Variants in ZMYM2 observed in about 807,000 individuals in gnomAD.
ZMYM2 encodes the protein zinc finger MYM-type protein 2.
ZMYM2 carries 56 observed loss-of-function variants against 162.8 expected under a neutral mutation model. The observed-to-expected ratio is 0.34, with a 90% confidence interval of 0.28 to 0.43. The LOEUF (loss-of-function observed/expected upper bound fraction) is 0.43. Ranked by LOEUF, ZMYM2 falls within the 20% of genes least tolerant of loss-of-function variation. The pLI is 1.00. For synonymous variants in ZMYM2, 510 were observed against 541.6 expected (o/e 0.94, Z 0.81); for missense variants, 1,275 against 1,621.8 (o/e 0.79, Z 3.67).
At chr13:20,006,253 T>A (rs1003062008) in intron 5 of ZMYM2, 121 bp from the exon 6 acceptor site, 28 of 1,027,540 alleles carry the variant, frequency 2.7e-5, no homozygotes, top group Non-Finnish European at 3.1e-5. Context: ...AAAAAATTTT[T>A]TTTTTCCTTT....
rs1199160134 is a variant in ZMYM2 at position 20,062,916 on chromosome 13, C to T, written c.2982C>T (p.Ser994=). The T allele has an allele frequency of 5.0e-6, 8 of 1,603,038 alleles. No homozygotes were observed. The highest frequency in any genetic ancestry group is 6.8e-6 in the Non-Finnish European group (8 of 1,173,828). ...LKNSDPETQS[S]MPDVPYEPDL... ...ACTCTGACCCAGAGACACAGTCCAG[C>T]ATGCCTGATGTACCATATGAACCAG... Residue 994 remains serine, a synonymous_variant, in exon 18 of 25, where the codon AGC becomes AGT. Coordinates refer to ENST00000610343, the MANE Select transcript of ZMYM2 (RefSeq NM_197968.4).
chr13:20,017,928 C>A (rs9315281), intron 6 of ZMYM2, among the ~76,000 whole-genome samples: 149,738 of 152,314 alleles, frequency 0.98, 73,654 homozygotes, highest in Middle Eastern at 1. Context: ...TATTTAAATT[C>A]TAGTTTTCCT....
At chr13:19,865,015 G>A in the ZMYM2 span, 1 of 152,262 alleles carries the variant, frequency 6.6e-6, no homozygotes, top group Admixed American at 6.5e-5. Context: ...CTTACCTTAT[G>A]TCTGGAAATA....
intron 9 of ZMYM2, among the ~76,000 whole-genome samples, chr13:20,028,492 A>G (rs998831407): frequency 6.6e-6 from 1 of 152,158 alleles, no homozygotes; most frequent in African/African-American, 2.4e-5. Flanking sequence ...TGTATCACCC[A>G]TGATTTGATA....
chr13:19,916,849 C>CT, the ZMYM2 span, among the ~76,000 whole-genome samples: 3 of 152,130 alleles, frequency 2.0e-5, no homozygotes, highest in Non-Finnish European at 4.4e-5. Flanking sequence ...TACCCTAGAA[C>CT]TTAAAGTATC....
chr13:20,087,824 A>C lies in ZMYM2; in HGVS notation c.*1810A>C, dbSNP rs1465720028. Reference sequence around the variant, plus strand: ...GTCTATTTAACGAAGACAAGTGGGTAACATTTAAAATATATAATACAAAAA... The same window carrying C: ...GTCTATTTAACGAAGACAAGTGGGTCACATTTAAAATATATAATACAAAAA... On this transcript the variant is annotated 3_prime_UTR_variant, in exon 25 of 25. Coordinates refer to ENST00000610343, the MANE Select transcript of ZMYM2 (RefSeq NM_197968.4). 5.3e-6 allele frequency: 1 copy of C among 187,080 alleles called. No individual in the cohort carries two copies. The allele number at this position is 187,080 out of a possible 1,614,324, so 11.6% of individuals were successfully genotyped here.
Position 19,993,934 on chromosome 13 carries a change from AT to A in ZMYM2, c.847+16del. The A allele has an allele frequency of 6.3e-7, 1 of 1,592,726 alleles. No individual in the cohort carries two copies. The highest frequency in any genetic ancestry group is 8.5e-7 in the Non-Finnish European group (1 of 1,172,990). On this transcript the variant is annotated intron_variant, in intron 3 of 24. Transcript: ENST00000610343. ...TCATAATCCTGGTAAGCAGTAAGAG[AT>A]ACTCTACTTCATGTAAATGAATTTA...
chr13:19,967,794 A>G (rs1955939378), intron 2 of ZMYM2, among the ~76,000 whole-genome samples: 1 of 152,210 alleles, frequency 6.6e-6, no homozygotes, highest in African/African-American at 2.4e-5. Context: ...GTAGGTGCTC[A>G]GTTAATAGCA....
At chr13:19,887,566 T>C in the ZMYM2 span, among the ~76,000 whole-genome samples, 1 of 151,650 alleles carries the variant, frequency 6.6e-6, no homozygotes, top group East Asian at 1.9e-4. Flanking sequence ...ATATCATTAT[T>C]TTCTTCATTT....
At chr13:19,883,814 G>C in the ZMYM2 span, among the ~76,000 whole-genome samples, 1 of 152,062 alleles carries the variant, frequency 6.6e-6, no homozygotes, top group Non-Finnish European at 1.5e-5. Flanking sequence ...TGGAGCGCAC[G>C]GGCACGATCT....
chr13:20,036,277 T>TC (rs1566360755), intron 11 of ZMYM2, among the ~76,000 whole-genome samples: 5 of 151,918 alleles, frequency 3.3e-5, no homozygotes, highest in South Asian at 4.2e-4. Flanking sequence ...TGTTTTTTTT[T>TC]CTGAAGGTCC....
At chr13:19,974,094 A>G (rs1445406586) in intron 2 of ZMYM2, among the ~76,000 whole-genome samples, 2 of 152,234 alleles carry the variant, frequency 1.3e-5, no homozygotes, top group East Asian at 3.8e-4. Flanking sequence ...AACCCTAATC[A>G]AATCCCAGTA....
the ZMYM2 span, among the ~76,000 whole-genome samples, chr13:19,889,624 G>A: frequency 6.6e-6 from 1 of 151,780 alleles, no homozygotes; most frequent in African/African-American, 2.4e-5. Context: ...TTTTACGTCT[G>A]GTGCCCTGTT....
intron 2 of ZMYM2, among the ~76,000 whole-genome samples, chr13:19,977,286 G>T (rs1956878492): frequency 6.6e-6 from 1 of 152,060 alleles, no homozygotes; most frequent in Non-Finnish European, 1.5e-5. Flanking sequence ...CTCCCAAAGT[G>T]TTGGGATTAC....
chr13:19,885,965 G>GTATATATATGTGTA, the ZMYM2 span, among the ~76,000 whole-genome samples: 14 of 91,290 alleles, frequency 1.5e-4, 5 homozygotes, highest in African/African-American at 6.7e-4. Context: ...ATATATATGT[G>GTATATATATGTGTA]TATACACATA....
chr13:19,904,702 G>C, the ZMYM2 span, among the ~76,000 whole-genome samples: 4 of 152,038 alleles, frequency 2.6e-5, no homozygotes, highest in Non-Finnish European at 5.9e-5. Flanking sequence ...CAAACATCTG[G>C]ATATCTCTCT....
At chr13:19,940,465 G>T in the ZMYM2 span, among the ~76,000 whole-genome samples, 1 of 152,118 alleles carries the variant, frequency 6.6e-6, no homozygotes, top group African/African-American at 2.4e-5. Context: ...ACTACAAATT[G>T]GTAACTGCCA....
At chr13:19,905,539 C>T in the ZMYM2 span, among the ~76,000 whole-genome samples, 5 of 152,150 alleles carry the variant, frequency 3.3e-5, no homozygotes, top group Non-Finnish European at 7.4e-5. Flanking sequence ...TTAACTCACT[C>T]CAGGGCCAGA....
chr13:19,948,016 A>AAAT, the ZMYM2 span, among the ~76,000 whole-genome samples: 170 of 147,802 alleles, frequency 1.2e-3, 1 homozygote, highest in East Asian at 2.0e-3. Flanking sequence ...AAAAAAAAAA[A>AAAT]GTTACATCAA....
Sources: allele counts gnomAD v4.1 joint callset (sites outside exome capture counted in the v4.1 genomes callset), GRCh38; gene constraint gnomAD v4.1.1; transcripts MANE v1.5; gene names NCBI Gene and HGNC (gene_info 2026-07-23, HGNC 2026-07-21).